The following HEATR5A variants were observed in gnomAD, a reference collection of about 807,000 sequenced individuals.
The protein encoded by HEATR5A is HEAT repeat containing 5A.
In HEATR5A, 178 loss-of-function variants were observed where a neutral mutation model predicts 218.8. The ratio of observed to expected loss-of-function variants is 0.81; its 90% CI spans 0.72 to 0.92. The LOEUF is 0.92. Ranked by LOEUF, HEATR5A falls within the 40% of genes least tolerant of loss-of-function variation. HEATR5A has a pLI of 0.00. For missense variants in HEATR5A, 2,420 were observed against 2,418.9 expected, an observed-to-expected ratio of 1.00 and a Z score of -0.01; for synonymous variants, 864 against 871.6, an observed-to-expected ratio of 0.99 and a Z score of 0.15.
At chr14:31,400,694 TTGCTGCCCTGC>T (rs756435773) in intron 2 of HEATR5A, among the ~76,000 whole-genome samples, 182 bp from the exon 3 acceptor site, 1,812 of 152,282 alleles carry the variant, frequency 0.012, 12 homozygotes, top group Non-Finnish European at 0.019. Flanking sequence ...ATCAGGTAGT[TTGCTGCCCTGC>T]TAATAATAAA....
chr14:31,314,294 T>C (rs540297761), intron 27 of HEATR5A, among the ~76,000 whole-genome samples: 179 of 151,284 alleles, frequency 1.2e-3, no homozygotes, highest in Middle Eastern at 6.9e-3. Context: ...GTTTCGCTCT[T>C]GTTCCCCAAG....
At chr14:31,306,924 A>G in intron 30 of HEATR5A, 45 bp from the exon 31 acceptor site, 1 of 1,448,476 alleles carries the variant, frequency 6.9e-7, no homozygotes, top group Non-Finnish European at 9.3e-7. Flanking sequence ...GAAATTATAC[A>G]TTTCTTTTGT....
At chr14:31,416,245 T>C (rs922272392) in intron 1 of HEATR5A, among the ~76,000 whole-genome samples, 1 of 152,132 alleles carries the variant, frequency 6.6e-6, no homozygotes, top group Non-Finnish European at 1.5e-5. Flanking sequence ...GCCTCCTGAG[T>C]AGCTGGGATT....
chr14:31,407,286 C>T (rs1250596219), intron 1 of HEATR5A, among the ~76,000 whole-genome samples: 4 of 152,150 alleles, frequency 2.6e-5, no homozygotes, highest in Non-Finnish European at 4.4e-5. Flanking sequence ...AAAAAGCTTA[C>T]ATTTTGTACA....
chr14:31,350,322 T>C (rs1003485386), intron 17 of HEATR5A, among the ~76,000 whole-genome samples: 3 of 152,170 alleles, frequency 2.0e-5, no homozygotes, highest in Non-Finnish European at 4.4e-5. Flanking sequence ...TAAGTAACAA[T>C]GAGCTGGATT....
chr14:31,313,391 A>G (rs182807654), intron 27 of HEATR5A, among the ~76,000 whole-genome samples: 2 of 152,160 alleles, frequency 1.3e-5, no homozygotes, highest in African/African-American at 4.8e-5. Flanking sequence ...CTTCAATGAG[A>G]TGCATTAGGG....
intron 22 of HEATR5A, among the ~76,000 whole-genome samples, chr14:31,336,227 T>C (rs1013600151): frequency 1.6e-3 from 33 of 20,680 alleles, no homozygotes; most frequent in Middle Eastern, 0.017. Flanking sequence ...CATATATATA[T>C]ATATATATAT....
At position 31,350,703 on chromosome 14, in the gene HEATR5A, TC is replaced by T; in HGVS notation, c.2425del (p.Glu809AsnfsTer7). The T allele has an allele frequency of 6.4e-7, 1 of 1,573,000 alleles. No homozygotes were observed. Among genetic ancestry groups the T allele is most frequent in the Non-Finnish European group, 8.7e-7 (1 of 1,148,710 alleles). On this transcript the variant is annotated frameshift_variant, in exon 17 of 36. Transcript: ENST00000543095. LOFTEE classifies it high-confidence loss of function. ...GTGCTTTATACTGTCCAAAAGCTGT[TC>T]CAATATAAGAAGCCTACAATCAGAA... ...VGETQRLLIL[E>X]QLLDSIKHTK... is the part of the protein sequence containing the mutation.
At chr14:31,375,894 C>A (rs2139262919) in intron 11 of HEATR5A, among the ~76,000 whole-genome samples, 1 of 152,138 alleles carries the variant, frequency 6.6e-6, no homozygotes, top group Non-Finnish European at 1.5e-5. Context: ...TTTTAAAAAC[C>A]CAAACCCATA....
chr14:31,358,450 C>T (rs1330533757), intron 16 of HEATR5A, among the ~76,000 whole-genome samples, 187 bp downstream of exon 16: 1 of 152,146 alleles, frequency 6.6e-6, no homozygotes, highest in Non-Finnish European at 1.5e-5. Flanking sequence ...CACAACAGTT[C>T]TAGTGGTTTT....
Position 31,314,238 on chromosome 14 carries a change from G to A in HEATR5A, c.4219-1048C>T, listed in dbSNP as rs1016101240. On this transcript the variant is annotated intron_variant, in intron 27 of 35. Coordinates refer to ENST00000543095, the MANE Select transcript of HEATR5A (RefSeq NM_015473.4). ...GCTGGGATTATAGGCGTGAGCCACC[G>A]CGCTGAGGTTATTTTATTTATTTAT... is the stretch of plus-strand genomic sequence containing the variant. 3.3e-5 allele frequency among the ~76,000 whole-genome samples: 5 copies of A among 151,542 alleles called. 1 individual carries two copies. The South Asian group carries it at 6.3e-4, about 19-fold the overall frequency.
chr14:31,387,377 T>TA lies in HEATR5A; in HGVS notation c.934-3dup, dbSNP rs774460004. The TA allele has an allele frequency of 6.2e-7, 1 of 1,603,518 alleles. No individual in the cohort carries two copies. The highest frequency in any genetic ancestry group is 1.3e-5 in the African/African-American group (1 of 74,232). On this transcript the variant is annotated splice_region_variant and splice_polypyrimidine_tract_variant and intron_variant, in intron 7 of 35. Coordinates refer to ENST00000543095, the MANE Select transcript of HEATR5A (RefSeq NM_015473.4). ...TGTTGAAACAAATACCACATAAGCCTAAAAAGGAAAAGAGTTTTATTTTCA... is the reference window on the plus strand; with the variant it reads ...TGTTGAAACAAATACCACATAAGCCTAAAAAAGGAAAAGAGTTTTATTTTCA...
chr14:31,362,606 C>CAAAAAAAGAAA, intron 14 of HEATR5A, among the ~76,000 whole-genome samples: 1 of 44,748 alleles, frequency 2.2e-5, no homozygotes, highest in Non-Finnish European at 3.6e-5. Context: ...CTACAAATGA[C>CAAAAAAAGAAA]AAAAAAAAAA....
intron 29 of HEATR5A, 118 bp downstream of exon 29, chr14:31,308,816 C>A: frequency 1.4e-6 from 1 of 729,684 alleles, no homozygotes; most frequent in South Asian, 2.5e-5. Context: ...TAATTGTGAG[C>A]TTGAGTTGAA....
At chr14:31,372,509 T>C (rs1902074491) in intron 12 of HEATR5A, among the ~76,000 whole-genome samples, 1 of 152,134 alleles carries the variant, frequency 6.6e-6, no homozygotes, top group Admixed American at 6.6e-5. Flanking sequence ...TGAATTACTT[T>C]GTATGTAGAA....
intron 1 of HEATR5A, among the ~76,000 whole-genome samples, chr14:31,408,907 C>T (rs895268229): frequency 1.1e-4 from 12 of 107,274 alleles, no homozygotes; most frequent in African/African-American, 2.6e-4. Context: ...CCGGCTAAAA[C>T]GGTGAAACCC....
At chr14:31,372,037 G>T in intron 12 of HEATR5A, 128 bp from the exon 13 acceptor site, 1 of 505,654 alleles carries the variant, frequency 2.0e-6, no homozygotes, top group Non-Finnish European at 3.5e-6. Flanking sequence ...AAAAATTCTT[G>T]AAACTCTAGT....
chr14:31,307,947 T>C lies in HEATR5A; in HGVS notation c.4764A>G (p.Ala1588=). ...TMESITACLH[A]LQALLDVPWP... is the part of the protein sequence containing the mutation. ...AAGGTACATCTAGAAGTGCTTGCAA[T>C]GCATGTAAACAAGCAGTTATGCTTT... Residue 1588 remains alanine, a synonymous_variant, in exon 30 of 36, where the codon GCA becomes GCG. Transcript: ENST00000543095. 2 of 1,613,774 alleles carry C rather than the reference T, an allele frequency of 1.2e-6. No individual in the cohort carries two copies. The highest frequency in any genetic ancestry group is 1.7e-6 in the Non-Finnish European group (2 of 1,179,708).
intron 2 of HEATR5A, among the ~76,000 whole-genome samples, chr14:31,400,847 T>G (rs887931320): frequency 6.7e-6 from 1 of 149,620 alleles, no homozygotes; most frequent in Non-Finnish European, 1.5e-5. Context: ...TATTATTGTT[T>G]TTTTTTTTTT....
Sources: allele counts gnomAD v4.1 joint callset (sites outside exome capture counted in the v4.1 genomes callset), GRCh38; gene constraint gnomAD v4.1.1; transcripts MANE v1.5; gene names NCBI Gene and HGNC (gene_info 2026-07-23, HGNC 2026-07-21).